NET1: variants seen among roughly 807,000 people sequenced by gnomAD.
NET1 encodes the protein neuroepithelial cell-transforming gene 1 protein.
In NET1, 42 loss-of-function variants were observed where a neutral mutation model predicts 61.1. The ratio of observed to expected loss-of-function variants is 0.69; its 90% CI spans 0.54 to 0.89. NET1 has a LOEUF of 0.89. Ranked by LOEUF, NET1 falls within the 40% of genes least tolerant of loss-of-function variation. The pLI, the probability that NET1 is intolerant of heterozygous loss-of-function variation, is 0.00. For synonymous variants in NET1, 254 were observed against 281.8 expected, an observed-to-expected ratio of 0.90 and a Z score of 0.99; for missense variants, 654 against 747.3, an observed-to-expected ratio of 0.88 and a Z score of 1.46.
chr10:5,436,516 G>A (rs1294132900), intron 3 of NET1, among the ~76,000 whole-genome samples: 2 of 151,220 alleles, frequency 1.3e-5, no homozygotes, highest in Admixed American at 6.6e-5. Context: ...GATAACAGGT[G>A]CGAGCCACTG....
rs1172500380 is a variant in NET1, at chr10:5,449,520, A to G, written c.256-2310A>G. 6.6e-6 allele frequency among the ~76,000 whole-genome samples: 1 copy of G among 152,226 alleles called. No homozygotes were observed. The highest frequency in any genetic ancestry group is 1.5e-5 in the Non-Finnish European group (1 of 68,032). On this transcript the variant is annotated intron_variant, in intron 3 of 11. Coordinates refer to ENST00000355029, the MANE Select transcript of NET1 (RefSeq NM_001047160.3). This position sits in a 1 kb window ranked among gnomAD's most constrained non-coding sequence, Gnocchi z 4.4. ...GGAACATATTTAACCACCAAATACC[A>G]CTTGGCATAATATGCTGCCACCCTA...
rs1257893190 is a variant in NET1 at position 5,447,183 on chromosome 10, C to CT, written c.256-4645dup. On this transcript the variant is annotated intron_variant, in intron 3 of 11. Coordinates refer to ENST00000355029, the MANE Select transcript of NET1 (RefSeq NM_001047160.3). This position sits in a 1 kb window ranked among gnomAD's most constrained non-coding sequence, Gnocchi z 4.1. ...TTAACTTGAATTGATATCATCCAGT[C>CT]TTAGAAACTACCTTAATGGAGCAAG... Among the ~76,000 whole-genome samples, 1 of 152,172 alleles carries CT rather than the reference C, an allele frequency of 6.6e-6. No homozygotes were observed. The highest frequency in any genetic ancestry group is 2.4e-5 in the African/African-American group (1 of 41,442).
chr10:5,452,275 T>A lies in NET1; in HGVS notation c.364-83T>A. 2 of 1,257,422 alleles carry A rather than the reference T, an allele frequency of 1.6e-6. No individual in the cohort carries two copies. Among genetic ancestry groups the A allele is most frequent in the Middle Eastern group, 2.0e-4 (1 of 5,032 alleles). The allele number at this position is 1,257,422 out of a possible 1,614,324, so 77.9% of individuals were successfully genotyped here. The stretch of plus-strand genomic sequence containing the variant: ...GAAATTCTCAGAACTTTGTCTTTCT[T>A]CACTTTAAAAAAAAAGAAAATGGGA... On this transcript the variant is annotated intron_variant, in intron 4 of 11. Coordinates refer to ENST00000355029, the MANE Select transcript of NET1 (RefSeq NM_001047160.3). The surrounding 1 kb of genome is among the most constrained non-coding windows in gnomAD (Gnocchi z 4.0).
chr10:5,437,752 A>C lies in NET1; in HGVS notation c.255+8523A>C, dbSNP rs111542892. Among the ~76,000 whole-genome samples the C allele has an allele frequency of 3.3e-5, 5 of 152,262 alleles. No homozygotes were observed. Among genetic ancestry groups the C allele is most frequent in the African/African-American group, 1.2e-4 (5 of 41,538 alleles). ...AGAAGACTTAAACAGCACTCAGACC[A>C]AATGGACCTAACAGACATACAGAGC... On this transcript the variant is annotated intron_variant, in intron 3 of 11. Transcript: ENST00000355029. The surrounding 1 kb of genome is among the most constrained non-coding windows in gnomAD (Gnocchi z 4.3).
chr10:5,419,066 A>G (rs962395900), intron 1 of NET1, among the ~76,000 whole-genome samples: 1 of 152,150 alleles, frequency 6.6e-6, no homozygotes, highest in Non-Finnish European at 1.5e-5. Context: ...TGCTGTTTTT[A>G]TATGCACATA....
chr10:5,456,487 T>G lies in NET1; in HGVS notation c.1385-101T>G, dbSNP rs1389988253. The G allele has an allele frequency of 1.4e-5, 17 of 1,199,642 alleles. No homozygotes were observed. Among genetic ancestry groups the G allele is most frequent in the Non-Finnish European group, 2.0e-5 (17 of 859,838 alleles). The allele number at this position is 1,199,642 out of a possible 1,614,324, so 74.3% of individuals were successfully genotyped here. A position where few individuals can be genotyped will look rare whatever the true frequency, so the allele number is the denominator to read the frequency against. ...TGTATTCACATTGACATAAATAAATTGCCATAAATTGACAGTCACGTTAAG... is the reference window on the plus strand; with the variant it reads ...TGTATTCACATTGACATAAATAAATGGCCATAAATTGACAGTCACGTTAAG... On this transcript the variant is annotated intron_variant, in intron 11 of 11. Coordinates refer to ENST00000355029, the MANE Select transcript of NET1 (RefSeq NM_001047160.3). The surrounding 1 kb of genome is among the most constrained non-coding windows in gnomAD (Gnocchi z 7.0).
rs1832490654 is a variant in NET1, at chr10:5,439,501, T to C, written c.255+10272T>C. ...CCTTAAGCCAATCACAAATGGACCATTTCCTTTGTATAACAGATGGCTGCT... is the reference window on the plus strand; with the variant it reads ...CCTTAAGCCAATCACAAATGGACCACTTCCTTTGTATAACAGATGGCTGCT... On this transcript the variant is annotated intron_variant, in intron 3 of 11. Coordinates refer to ENST00000355029, the MANE Select transcript of NET1 (RefSeq NM_001047160.3). This position sits in a 1 kb window ranked among gnomAD's most constrained non-coding sequence, Gnocchi z 4.8. 1.3e-5 allele frequency among the ~76,000 whole-genome samples: 2 copies of C among 152,180 alleles called. No individual in the cohort carries two copies. The highest frequency in any genetic ancestry group is 6.5e-5 in the Admixed American group (1 of 15,280).
Position 5,456,987 on chromosome 10 carries a change from T to C in NET1, c.1784T>C (p.Leu595Ser). The change falls in exon 12 of 12, where the codon TTG becomes TCG. Residue 595 changes from leucine (L) to serine (S), a missense_variant. Physicochemically the swap from Leu to Ser is moderately radical, Grantham distance 145. Transcript: ENST00000355029. The surrounding 1 kb of genome is among the most constrained non-coding windows in gnomAD (Gnocchi z 7.0). ...ALSGGKRKETLV is the reference protein window; with the variant it reads ...ALSGGKRKETSV ...TCTGGTGGCAAACGGAAAGAGACTT[T>C]GGTGTAGAGAAGGCTCTGTGTGTTA... 1.3e-6 allele frequency: 2 copies of C among 1,556,226 alleles called. No individual in the cohort carries two copies. Among genetic ancestry groups the C allele is most frequent in the African/African-American group, 1.4e-5 (1 of 73,046 alleles).
Position 5,451,444 on chromosome 10 carries a change from G to A in NET1, c.256-386G>A, listed in dbSNP as rs1430392317. On this transcript the variant is annotated intron_variant, in intron 3 of 11. Transcript: ENST00000355029. The surrounding 1 kb of genome is among the most constrained non-coding windows in gnomAD (Gnocchi z 6.1). ...GTGGAGGCCCCTCGATAGACACATGGGATCCATTATGCCATTCTCCACTTT... is the reference window on the plus strand; with the variant it reads ...GTGGAGGCCCCTCGATAGACACATGAGATCCATTATGCCATTCTCCACTTT... 1.3e-5 allele frequency among the ~76,000 whole-genome samples: 2 copies of A among 151,606 alleles called. No homozygotes were observed. The highest frequency in any genetic ancestry group is 4.8e-5 in the African/African-American group (2 of 41,238).
At chr10:5,429,477 A>G (rs951433470) in intron 3 of NET1, among the ~76,000 whole-genome samples, 2 of 152,332 alleles carry the variant, frequency 1.3e-5, no homozygotes, top group South Asian at 2.1e-4. Flanking sequence ...CACAAACACA[A>G]ATGCTAAGGA....
intron 3 of NET1, among the ~76,000 whole-genome samples, chr10:5,448,858 A>G (rs767727734): frequency 6.6e-6 from 1 of 151,958 alleles, no homozygotes; most frequent in African/African-American, 2.4e-5. Context: ...CTCCCCCTTC[A>G]TCACCTCCAA....
Position 5,429,247 on chromosome 10 carries a change from G to C in NET1, c.255+18G>C. The C allele has an allele frequency of 6.5e-7, 1 of 1,546,940 alleles. No homozygotes were observed. The highest frequency in any genetic ancestry group is 1.4e-5 in the African/African-American group (1 of 72,902). The stretch of plus-strand genomic sequence containing the variant: ...ATCTGAAGGTAAGCCCTGCTGCCCT[G>C]TTAAAGAAAAGCATTTAAAAATATG... On this transcript the variant is annotated intron_variant, in intron 3 of 11. Coordinates refer to ENST00000355029, the MANE Select transcript of NET1 (RefSeq NM_001047160.3).
intron 2 of NET1, among the ~76,000 whole-genome samples, chr10:5,428,776 G>A (rs1832301128): frequency 6.7e-6 from 1 of 150,296 alleles, no homozygotes; most frequent in East Asian, 2.0e-4. Flanking sequence ...AGGCTGGAGT[G>A]CAGTGGCGCA....
chr10:5,413,406 C>G (rs1832033773), intron 1 of NET1, among the ~76,000 whole-genome samples: 1 of 152,166 alleles, frequency 6.6e-6, no homozygotes, highest in Non-Finnish European at 1.5e-5. Flanking sequence ...TCATCACAAC[C>G]ATTTTCGTGT....
rs184456571 is a variant in NET1, at chr10:5,457,147, A to T, written c.*153A>T. ...TGTTCTTTTTTCTTTTTTTAATGGC[A>T]GCTAAAGATATACAGATTACTGTTA... On this transcript the variant is annotated 3_prime_UTR_variant, in exon 12 of 12. Coordinates refer to ENST00000355029, the MANE Select transcript of NET1 (RefSeq NM_001047160.3). This position sits in a 1 kb window ranked among gnomAD's most constrained non-coding sequence, Gnocchi z 5.4. The T allele has an allele frequency of 3.0e-4, 172 of 577,852 alleles. No individual in the cohort carries two copies. The East Asian group carries it at 4.7e-3, about 16-fold the overall frequency. 35.8% of individuals were successfully genotyped at this position (577,852 alleles called of 1,614,324 possible).
At chr10:5,430,416 C>A (rs1195936692) in intron 3 of NET1, among the ~76,000 whole-genome samples, 2 of 150,910 alleles carry the variant, frequency 1.3e-5, no homozygotes, top group African/African-American at 2.4e-5. Context: ...GCTCTGTCTC[C>A]CAGGCTGGAG....
Position 5,455,434 on chromosome 10 carries a change from GTT to G in NET1, c.1197+318_1197+319del, listed in dbSNP as rs1048042094. Among the ~76,000 whole-genome samples the G allele has an allele frequency of 6.6e-6, 1 of 152,090 alleles. No homozygotes were observed. The highest frequency in any genetic ancestry group is 2.4e-5 in the African/African-American group (1 of 41,394). On this transcript the variant is annotated intron_variant, in intron 10 of 11. Coordinates refer to ENST00000355029, the MANE Select transcript of NET1 (RefSeq NM_001047160.3). The surrounding 1 kb of genome is among the most constrained non-coding windows in gnomAD (Gnocchi z 6.5). ...CATCCTTCAAAAAAAACTTCTAAGA[GTT>G]TATCTTATGCTTATGAAAGTGGTTT... is the stretch of plus-strand genomic sequence containing the variant.
rs552642190 is a variant in NET1, at chr10:5,455,536, T to C, written c.1197+418T>C. Among the ~76,000 whole-genome samples the C allele has an allele frequency of 3.3e-5, 5 of 152,376 alleles. No individual in the cohort carries two copies. Among genetic ancestry groups the C allele is most frequent in the African/African-American group, 1.2e-4 (5 of 41,594 alleles). On this transcript the variant is annotated intron_variant, in intron 10 of 11. Coordinates refer to ENST00000355029, the MANE Select transcript of NET1 (RefSeq NM_001047160.3). The surrounding 1 kb of genome is among the most constrained non-coding windows in gnomAD (Gnocchi z 6.5). ...ATTTTTTAAATGCTAATTATAAAAG[T>C]ACCTGCTAGAACTAAGTGCAGTCAC...
intron 1 of NET1, among the ~76,000 whole-genome samples, chr10:5,414,894 C>G (rs1832053377): frequency 6.6e-6 from 1 of 152,090 alleles, no homozygotes; most frequent in Non-Finnish European, 1.5e-5. Context: ...GACTTTCCCA[C>G]CAGGCCTCTA....
Sources: allele counts gnomAD v4.1 joint callset (sites outside exome capture counted in the v4.1 genomes callset), GRCh38; gene constraint gnomAD v4.1.1; non-coding constraint Gnocchi (gnomAD v3.1); transcripts MANE v1.5; gene names NCBI Gene and HGNC (gene_info 2026-07-23, HGNC 2026-07-21).